The following SFR1 variants were observed in gnomAD, a reference collection of about 807,000 sequenced individuals.
SFR1 encodes the protein SWI5 dependent homologous recombination repair protein 1.
In SFR1, 24 loss-of-function variants were observed where a neutral mutation model predicts 26.2. That is an observed-to-expected ratio of 0.92 (90% confidence interval 0.66 to 1.29). The LOEUF is 1.29. Among genes scored for constraint, SFR1 ranks in the 50% most tolerant of loss-of-function variants. The pLI is 0.00. For missense variants in SFR1, 276 were observed against 270.2 expected (o/e 1.02, Z -0.15); for synonymous variants, 77 against 96.6 (o/e 0.80, Z 1.19).
chr10:104,122,610 C>T (rs781230883), intron 1 of SFR1: 15 of 985,274 alleles, frequency 1.5e-5, no homozygotes, highest in Non-Finnish European at 1.8e-5. Flanking sequence ...TCGGCTATAG[C>T]TTCTTGAATT....
upstream of SFR1, among the ~76,000 whole-genome samples, chr10:104,121,543 G>C (rs1273797065): frequency 1.3e-5 from 2 of 152,194 alleles, no homozygotes; most frequent in African/African-American, 4.8e-5. Context: ...AACCAACGCT[G>C]TTCTTTTGTG....
intron 3 of SFR1, 47 bp from the exon 4 acceptor site, chr10:104,125,466 A>G (rs1436511089): frequency 8.8e-6 from 13 of 1,470,300 alleles, no homozygotes; most frequent in African/African-American, 1.4e-5. Flanking sequence ...ATTAAGTTGA[A>G]CTAGCATGAC....
upstream of SFR1, among the ~76,000 whole-genome samples, chr10:104,121,870 T>C (rs977876499): frequency 3.9e-5 from 6 of 152,134 alleles, no homozygotes; most frequent in Non-Finnish European, 8.8e-5. Context: ...CCCGAAGACC[T>C]GCTGCGGATC....
chr10:104,121,983 G>A (rs1002526970), upstream of SFR1: 1 of 560,924 alleles, frequency 1.8e-6, no homozygotes, highest in Admixed American at 3.4e-5. Context: ...CTCCCATCGT[G>A]TGGGCCAAGC....
At chr10:104,122,932 T>C (rs778193805) in intron 1 of SFR1, 33 bp from the exon 2 acceptor site, 184 of 1,607,064 alleles carry the variant, frequency 1.1e-4, no homozygotes, top group Non-Finnish European at 1.4e-4. Context: ...GAGGTGTGGT[T>C]AATTCGATTA....
rs539446668 is a variant in SFR1, at chr10:104,125,699, G to A, written c.733G>A (p.Val245Ile). ...YNRSEEEFID[V>I] ...CAGAAGTGAAGAAGAATTTATAGAT[G>A]TTTAATTCCTGATTTTTGCTCCAGA... The change falls in exon 4 of 4, where the codon GTT becomes ATT. Residue 245 changes from valine (V) to isoleucine (I), a missense_variant. By Grantham distance (29) the Val-to-Ile change is conservative. Coordinates refer to ENST00000369727, the MANE Select transcript of SFR1 (RefSeq NM_001002759.2). 9 of 1,560,734 alleles carry A rather than the reference G, an allele frequency of 5.8e-6. No individual in the cohort carries two copies. In the Admixed American group the frequency reaches 7.6e-5, roughly 13 times the overall value.
In SFR1 at chr10:104,124,222, C is replaced by A. The variant is rs568205833; in HGVS notation, c.546+98C>A. 1.5e-3 allele frequency: 1,657 copies of A among 1,096,050 alleles called. 7 individuals carry two copies. Among genetic ancestry groups the A allele is most frequent in the Middle Eastern group, 0.013 (42 of 3,156 alleles). The allele number at this position is 1,096,050 out of a possible 1,614,324, so 67.9% of individuals were successfully genotyped here. On this transcript the variant is annotated intron_variant, in intron 3 of 3. Coordinates refer to ENST00000369727, the MANE Select transcript of SFR1 (RefSeq NM_001002759.2). Reference sequence around the variant, plus strand: ...GAATTTTTTTTTTTACCATAATAAGCAATAAGCCAAATATTCAGAAACCTG... The same window carrying A: ...GAATTTTTTTTTTTACCATAATAAGAAATAAGCCAAATATTCAGAAACCTG...
In SFR1 at chr10:104,122,214, A is replaced by G. The variant is rs984160411; in HGVS notation, c.13+18A>G. The G allele has an allele frequency of 4.6e-6, 7 of 1,538,110 alleles. No individual in the cohort carries two copies. Among genetic ancestry groups the G allele is most frequent in the Non-Finnish European group, 6.1e-6 (7 of 1,140,706 alleles). ...GGAGGGAGGTACCCTGCTGAGGGGA[A>G]GGGGGGATCCCTGACACCTGGGCTT... On this transcript the variant is annotated intron_variant, in intron 1 of 3. Coordinates refer to ENST00000369727, the MANE Select transcript of SFR1 (RefSeq NM_001002759.2).
At chr10:104,122,432 T>A (rs530462759) in intron 1 of SFR1, 1 of 985,258 alleles carries the variant, frequency 1.0e-6, no homozygotes, top group Non-Finnish European at 1.2e-6. Context: ...CAGTCCACTC[T>A]CCTTTTCAGT....
At chr10:104,125,475 A>C (rs2087015134) in intron 3 of SFR1, 38 bp from the exon 4 acceptor site, 1 of 1,492,460 alleles carries the variant, frequency 6.7e-7, no homozygotes, top group Admixed American at 1.9e-5. Context: ...AACTAGCATG[A>C]CTAGTTATTG....
chr10:104,123,325 A>G (rs904463860), intron 2 of SFR1: 16 of 454,138 alleles, frequency 3.5e-5, no homozygotes, highest in Admixed American at 1.2e-4. Context: ...GGTTATTACA[A>G]TACTCCAGAT....
In SFR1 at chr10:104,123,893, A is replaced by G. The variant is rs1355840337; in HGVS notation, c.315A>G (p.Ile105Met). 9.9e-6 allele frequency: 16 copies of G among 1,612,972 alleles called. No homozygotes were observed. The highest frequency in any genetic ancestry group is 8.9e-5 in the East Asian group (4 of 44,850). The change falls in exon 3 of 4, where the codon ATA becomes ATG. Residue 105 changes from isoleucine to methionine, a missense_variant. Physicochemically the swap from Ile to Met is conservative, Grantham distance 10. Transcript: ENST00000369727. ...CLEFQESFKH[I>M]DSEFEENTNL... ...AATTTCAAGAAAGTTTTAAACATAT[A>G]GACAGTGAATTTGAAGAAAATACAA...
chr10:104,122,150 C>T (rs765399279), upstream of SFR1: 6 of 1,546,950 alleles, frequency 3.9e-6, no homozygotes, highest in African/African-American at 2.8e-5. Context: ...GATTTACGGC[C>T]GCAGGTGCGC....
At position 104,122,176 on chromosome 10, in the gene SFR1, C is replaced by T. The variant is rs753184615; in HGVS notation, c.-8C>T. On this transcript the variant is annotated 5_prime_UTR_variant, in exon 1 of 4. Coordinates refer to ENST00000369727, the MANE Select transcript of SFR1 (RefSeq NM_001002759.2). ...GCAGGTGCGCGCGCTTTTTTGCTCTCGCTGGGAATGGCGGAGGGAGGTACC... is the reference window on the plus strand; with the variant it reads ...GCAGGTGCGCGCGCTTTTTTGCTCTTGCTGGGAATGGCGGAGGGAGGTACC... The T allele has an allele frequency of 2.4e-5, 37 of 1,548,960 alleles. No homozygotes were observed. Among genetic ancestry groups the T allele is most frequent in the Non-Finnish European group, 3.2e-5 (37 of 1,146,304 alleles).
chr10:104,123,456 A>C (rs1361577588), intron 2 of SFR1: 1 of 398,808 alleles, frequency 2.5e-6, no homozygotes, highest in Non-Finnish European at 4.4e-6. Flanking sequence ...CTTGTTACTG[A>C]ACAAATGTTC....
rs2086997624 is a variant in SFR1, at chr10:104,123,950, CTG to C, written c.375_376del (p.Cys125Ter). ...LKNTLKNLNV[C>X]ESQSLDSGSC... ...AAAATACTTTGAAGAATCTCAATGT[CTG>C]TGAATCTCAGTCACTTGATTCTGGA... On this transcript the variant is annotated frameshift_variant, in exon 3 of 4. Coordinates refer to ENST00000369727, the MANE Select transcript of SFR1 (RefSeq NM_001002759.2). LOFTEE classifies it high-confidence loss of function. 4 of 1,613,732 alleles carry C rather than the reference CTG, an allele frequency of 2.5e-6. No individual in the cohort carries two copies. The highest frequency in any genetic ancestry group is 2.5e-6 in the Non-Finnish European group (3 of 1,179,804).
At chr10:104,125,069 C>G (rs1489266723) in intron 3 of SFR1, among the ~76,000 whole-genome samples, 1 of 152,206 alleles carries the variant, frequency 6.6e-6, no homozygotes, top group African/African-American at 2.4e-5. Context: ...TCCTAAGGTG[C>G]TGGGATCCCA....
upstream of SFR1, among the ~76,000 whole-genome samples, chr10:104,120,659 C>T (rs191686362): frequency 1.4e-4 from 22 of 152,272 alleles, no homozygotes; most frequent in African/African-American, 4.1e-4. Context: ...TCTGTTCCAG[C>T]TGCCTCTCAC....
intron 3 of SFR1, 115 bp downstream of exon 3, chr10:104,124,239 A>C: frequency 1.1e-6 from 1 of 937,646 alleles, no homozygotes. Context: ...CCAAATATTC[A>C]GAAACCTGGC....
Sources: gnomAD v4.1 joint callset for allele counts (sites outside exome capture counted in the v4.1 genomes callset) on GRCh38, gnomAD v4.1.1 for gene constraint, MANE v1.5 for transcripts, NCBI Gene and HGNC (gene_info 2026-07-23, HGNC 2026-07-21) for gene names.